The following UNC5A variants were observed in gnomAD, a reference collection of about 807,000 sequenced individuals.
UNC5A encodes unc-5 netrin receptor A, also known as netrin receptor UNC5A.
UNC5A carries 20 observed loss-of-function variants against 87.4 expected under a neutral mutation model. That is an observed-to-expected ratio of 0.23 (90% CI 0.16 to 0.33). The LOEUF is 0.33. UNC5A is among the 10% of genes least tolerant of loss of function. The probability of loss-of-function intolerance (pLI) is 1.00; values close to 1 mark genes in which losing one functional copy is unlikely to be tolerated. For missense variants in UNC5A, 844 were observed against 1,133.4 expected, an observed-to-expected ratio of 0.74 and a Z score of 3.67; for synonymous variants, 438 against 482.3, an observed-to-expected ratio of 0.91 and a Z score of 1.20.
At chr5:176,860,433 C>T (rs1757806594) in intron 1 of UNC5A, among the ~76,000 whole-genome samples, 1 of 152,214 alleles carries the variant, frequency 6.6e-6, no homozygotes, top group Non-Finnish European at 1.5e-5. Flanking sequence ...ATTCTCCAGA[C>T]CGTGGGAGGA....
At chr5:176,826,846 T>A (rs1282213452) in intron 1 of UNC5A, among the ~76,000 whole-genome samples, 1 of 151,958 alleles carries the variant, frequency 6.6e-6, no homozygotes, top group African/African-American at 2.4e-5. Flanking sequence ...TCACTGTGTT[T>A]GCCAGGATGG....
At chr5:176,876,309 C>T (rs1043663013) in intron 8 of UNC5A, among the ~76,000 whole-genome samples, 10 of 152,348 alleles carry the variant, frequency 6.6e-5, no homozygotes, top group Non-Finnish European at 1.2e-4. Context: ...TCCGGTGAAA[C>T]GGTGATACCA....
intron 1 of UNC5A, among the ~76,000 whole-genome samples, chr5:176,813,602 G>T (rs147833621): frequency 2.0e-5 from 3 of 152,138 alleles, no homozygotes; most frequent in South Asian, 4.1e-4. Flanking sequence ...GTGTTGGGAG[G>T]GGGGGCTTCT....
rs776208367 is a variant in UNC5A, at chr5:176,880,179, A to G, written c.*293A>G. On this transcript the variant is annotated 3_prime_UTR_variant, in exon 15 of 15. Coordinates refer to ENST00000329542, the MANE Select transcript of UNC5A (RefSeq NM_133369.3). ...ATCTGTGTGTGTGTATGTGCGTGTG[A>G]TGCTACCTCTCCTCCCGTCCCTCTC... 2.8e-6 allele frequency: 1 copy of G among 354,070 alleles called. No homozygotes were observed. The highest frequency in any genetic ancestry group is 5.2e-6 in the Non-Finnish European group (1 of 191,338). 21.9% of individuals were successfully genotyped at this position (354,070 alleles called of 1,614,324 possible). A position where few individuals can be genotyped will look rare whatever the true frequency, so the allele number is the denominator to read the frequency against.
intron 1 of UNC5A, among the ~76,000 whole-genome samples, chr5:176,851,120 G>A (rs928582930): frequency 7.2e-5 from 11 of 152,348 alleles, no homozygotes; most frequent in Admixed American, 2.0e-4. Context: ...AGAGCCCGGG[G>A]CACTGTAGCC....
At chr5:176,831,989 C>G (rs1757042158) in intron 1 of UNC5A, among the ~76,000 whole-genome samples, 1 of 148,560 alleles carries the variant, frequency 6.7e-6, no homozygotes, top group African/African-American at 2.5e-5. Flanking sequence ...CTCCACCTAC[C>G]TGGCTCAAGT....
At chr5:176,817,753 C>T (rs942697404) in intron 1 of UNC5A, among the ~76,000 whole-genome samples, 10 of 152,130 alleles carry the variant, frequency 6.6e-5, no homozygotes, top group African/African-American at 2.4e-4. Flanking sequence ...GGTGCCCGAG[C>T]CCACGGCAGC....
At chr5:176,873,367 A>C (rs1480830777) in intron 6 of UNC5A, among the ~76,000 whole-genome samples, 1 of 152,184 alleles carries the variant, frequency 6.6e-6, no homozygotes, top group East Asian at 1.9e-4. Flanking sequence ...TTTCAATTAA[A>C]AACCTAATTA....
chr5:176,832,124 T>G (rs1757046934), intron 1 of UNC5A, among the ~76,000 whole-genome samples: 1 of 152,168 alleles, frequency 6.6e-6, no homozygotes, highest in Non-Finnish European at 1.5e-5. Context: ...CTCGAACTCC[T>G]GACTTCAGGT....
At chr5:176,843,359 A>T (rs61126849) in intron 1 of UNC5A, among the ~76,000 whole-genome samples, 5,606 of 152,112 alleles carry the variant, frequency 0.037, 338 homozygotes, top group African/African-American at 0.12. Flanking sequence ...AAGAAGCCAG[A>T]CACGAAGGAC....
Position 176,862,856 on chromosome 5 carries a change from T to A in UNC5A, c.292+11T>A, listed in dbSNP as rs777796633. The stretch of plus-strand genomic sequence containing the variant: ...CAGACGGGAGCAGTGGTGAGCCGCA[T>A]GGGGCGCCAGGCAGGGCCAATCCGG... On this transcript the variant is annotated intron_variant, in intron 2 of 14. Transcript: ENST00000329542. The A allele has an allele frequency of 1.9e-6, 3 of 1,611,984 alleles. No individual in the cohort carries two copies. The South Asian group carries it at 3.3e-5, about 18-fold the overall frequency.
At position 176,869,861 on chromosome 5, in the gene UNC5A, C is replaced by G; in HGVS notation, c.722-509C>G. On this transcript the variant is annotated intron_variant, in intron 5 of 14. Coordinates refer to ENST00000329542, the MANE Select transcript of UNC5A (RefSeq NM_133369.3). This position sits in a 1 kb window ranked among gnomAD's most constrained non-coding sequence, Gnocchi z 9.1. ...TGGCTCCATCGCGCCCACCAGCCTG[C>G]CCCCCCATGGCTCCATCCCACCCAC... 2 of 574,508 alleles carry G rather than the reference C, an allele frequency of 3.5e-6. No homozygotes were observed. Among genetic ancestry groups the G allele is most frequent in the Non-Finnish European group, 6.2e-6 (2 of 320,450 alleles). 35.6% of individuals were successfully genotyped at this position (574,508 alleles called of 1,614,324 possible).
At position 176,874,371 on chromosome 5, in the gene UNC5A, A is replaced by G; in HGVS notation, c.1183A>G (p.Thr395Ala). The G allele has an allele frequency of 6.2e-7, 1 of 1,613,462 alleles. No individual in the cohort carries two copies. Among genetic ancestry groups the G allele is most frequent in the Non-Finnish European group, 8.5e-7 (1 of 1,179,868 alleles). ...QDGPSPKFQLTNGHLLSPLGG... is the reference protein window; with the variant it reads ...QDGPSPKFQLANGHLLSPLGG... ...TGGGCCCAGCCCCAAGTTCCAGCTC[A>G]CCAATGGGCACCTGCTCAGCCCCCT... is the stretch of plus-strand genomic sequence containing the variant. The change falls in exon 8 of 15, where the codon ACC (threonine) becomes GCC (alanine). Residue 395 changes from threonine to alanine, a missense_variant. Transcript: ENST00000329542. This position sits in a 1 kb window ranked among gnomAD's most constrained non-coding sequence, Gnocchi z 7.6.
chr5:176,863,462 A>G (rs1757891360), intron 2 of UNC5A, among the ~76,000 whole-genome samples: 2 of 152,092 alleles, frequency 1.3e-5, no homozygotes, highest in Non-Finnish European at 2.9e-5. Flanking sequence ...GTTGGGGCTG[A>G]TGGAAGCAGC....
intron 14 of UNC5A, 110 bp downstream of exon 14, chr5:176,879,598 T>C (rs1758365957): frequency 8.4e-6 from 13 of 1,543,472 alleles, no homozygotes; most frequent in Middle Eastern, 2.0e-4. Context: ...CCGCATCTAC[T>C]AGTGGCCGGG....
chr5:176,841,005 C>T lies in UNC5A; in HGVS notation c.71-21619C>T, dbSNP rs368915606. 6.6e-6 allele frequency among the ~76,000 whole-genome samples: 1 copy of T among 152,238 alleles called. No homozygotes were observed. The highest frequency in any genetic ancestry group is 1.5e-5 in the Non-Finnish European group (1 of 68,040). On this transcript the variant is annotated intron_variant, in intron 1 of 14. Transcript: ENST00000329542. This position sits in a 1 kb window ranked among gnomAD's most constrained non-coding sequence, Gnocchi z 4.1. ...GGTTTCCCCACTGGAAAACCATCCA[C>T]CTCCTTCACCGGAGAAGGGGGATGA...
intron 3 of UNC5A, 96 bp downstream of exon 3, chr5:176,868,369 GA>G: frequency 6.4e-7 from 1 of 1,570,130 alleles, no homozygotes; most frequent in Non-Finnish European, 8.7e-7. Flanking sequence ...GGTCCGGTCA[GA>G]AAACCTCACA....
intron 1 of UNC5A, among the ~76,000 whole-genome samples, chr5:176,817,143 C>T (rs1756607846): frequency 1.3e-5 from 2 of 152,118 alleles, no homozygotes. Flanking sequence ...GTGGTGGGAG[C>T]GCCAAGGGCC....
chr5:176,836,447 T>C (rs979263804), intron 1 of UNC5A, among the ~76,000 whole-genome samples: 2 of 152,146 alleles, frequency 1.3e-5, no homozygotes, highest in Non-Finnish European at 2.9e-5. Context: ...TAGCGATCCC[T>C]GGGGGCCTGC....
Sources: gnomAD v4.1 joint callset for allele counts (sites outside exome capture counted in the v4.1 genomes callset) on GRCh38, gnomAD v4.1.1 for gene constraint, Gnocchi (gnomAD v3.1) non-coding constraint, MANE v1.5 for transcripts, NCBI Gene and HGNC (gene_info 2026-07-23, HGNC 2026-07-21) for gene names.